The following FALEC variants were observed in gnomAD, a reference collection of about 807,000 sequenced individuals.
The protein encoded by FALEC is focally amplified lncRNA on chromosome 1.
At chr1:150,517,758 T>A (rs1670588983) in intron 1 of FALEC, 1 of 152,250 alleles carries the variant, frequency 6.6e-6, no homozygotes, top group Non-Finnish European at 1.5e-5. Context: ...CCACCCTGTC[T>A]ATGGTACTTC....
downstream of FALEC, among the ~76,000 whole-genome samples, chr1:150,518,602 A>G (rs1442895988): frequency 6.6e-6 from 1 of 151,490 alleles, no homozygotes; most frequent in Non-Finnish European, 1.5e-5. Context: ...CGTTCAGGCT[A>G]GTCCCGAACT....
At chr1:150,529,016 CAAA>C in the FALEC span, among the ~76,000 whole-genome samples, 46 of 59,284 alleles carry the variant, frequency 7.8e-4, no homozygotes, top group Middle Eastern at 0.015. Flanking sequence ...AAATAAATAG[CAAA>C]AAAAAAAAAA....
At chr1:150,525,016 G>A in the FALEC span, among the ~76,000 whole-genome samples, 16 of 139,162 alleles carry the variant, frequency 1.1e-4, no homozygotes. Context: ...AAAAAAAAAG[G>A]CCTGGTGCAG....
At chr1:150,527,824 T>C in the FALEC span, among the ~76,000 whole-genome samples, 5 of 152,068 alleles carry the variant, frequency 3.3e-5, no homozygotes, top group African/African-American at 1.2e-4. Context: ...CACTCCAACC[T>C]GGGCGACGTA....
At chr1:150,520,725 T>C (rs1670627556), downstream of FALEC, among the ~76,000 whole-genome samples, 1 of 151,840 alleles carries the variant, frequency 6.6e-6, no homozygotes, top group Non-Finnish European at 1.5e-5. Flanking sequence ...ACTTTTTAAA[T>C]ATGCATTCAT....
the FALEC span, among the ~76,000 whole-genome samples, chr1:150,526,447 C>T: frequency 6.6e-6 from 1 of 151,952 alleles, no homozygotes; most frequent in Non-Finnish European, 1.5e-5. Context: ...GATCCACCCA[C>T]CTCATCTTTC....
At chr1:150,534,181 A>T in the FALEC span, among the ~76,000 whole-genome samples, 1 of 152,124 alleles carries the variant, frequency 6.6e-6, no homozygotes, top group Non-Finnish European at 1.5e-5. Context: ...AACTCTGAGG[A>T]GCTGGTCCTG....
chr1:150,534,876 C>T, the FALEC span, among the ~76,000 whole-genome samples: 1 of 151,580 alleles, frequency 6.6e-6, no homozygotes, highest in Non-Finnish European at 1.5e-5. Flanking sequence ...CTCTAACTCT[C>T]TCCAGAATCT....
chr1:150,534,964 C>A, the FALEC span, among the ~76,000 whole-genome samples: 137 of 152,306 alleles, frequency 9.0e-4, no homozygotes, highest in Non-Finnish European at 1.7e-3. Flanking sequence ...AGCAATCAGC[C>A]AGCCCCTCCT....
chr1:150,524,885 C>A, the FALEC span, among the ~76,000 whole-genome samples: 11 of 151,482 alleles, frequency 7.3e-5, no homozygotes, highest in South Asian at 2.3e-3. Context: ...GTCCCAGCTA[C>A]TCAGGAGACT....
chr1:150,535,423 T>C, the FALEC span, among the ~76,000 whole-genome samples: 2 of 152,324 alleles, frequency 1.3e-5, no homozygotes, highest in East Asian at 1.9e-4. Flanking sequence ...TTTGTATTTT[T>C]AGTGGAGACA....
chr1:150,534,193 A>G, the FALEC span, among the ~76,000 whole-genome samples: 1 of 152,092 alleles, frequency 6.6e-6, no homozygotes, highest in Non-Finnish European at 1.5e-5. Context: ...CTGGTCCTGG[A>G]GAGGTGGGGT....
the FALEC span, among the ~76,000 whole-genome samples, chr1:150,527,484 C>T: frequency 7.2e-5 from 11 of 151,968 alleles, no homozygotes; most frequent in African/African-American, 2.7e-4. Context: ...GTCTTAAGCT[C>T]CTGACCTCAG....
chr1:150,516,441 G>A (rs1670570805), intron 1 of FALEC, among the ~76,000 whole-genome samples: 1 of 152,210 alleles, frequency 6.6e-6, no homozygotes, highest in South Asian at 2.1e-4. Flanking sequence ...GCACTTGTAA[G>A]CTACAGTGCT....
chr1:150,524,995 G>GAAA, the FALEC span, among the ~76,000 whole-genome samples: 21 of 98,314 alleles, frequency 2.1e-4, no homozygotes, highest in African/African-American at 8.3e-4. Flanking sequence ...ACCCTGTCTT[G>GAAA]AAAAAAAAAA....
At chr1:150,522,978 TA>T (rs1397830922), downstream of FALEC, among the ~76,000 whole-genome samples, 67 of 46,282 alleles carry the variant, frequency 1.4e-3, 2 homozygotes, top group South Asian at 2.2e-3. Context: ...TATATATATA[TA>T]TATATTTTTT....
At chr1:150,525,158 G>GC in the FALEC span, among the ~76,000 whole-genome samples, 3 of 152,006 alleles carry the variant, frequency 2.0e-5, no homozygotes, top group Admixed American at 6.6e-5. Context: ...ATGGTGGCAC[G>GC]CATCTGTAAT....
the FALEC span, among the ~76,000 whole-genome samples, chr1:150,526,700 C>G: frequency 6.6e-6 from 1 of 152,026 alleles, no homozygotes; most frequent in African/African-American, 2.4e-5. Flanking sequence ...GTGGCGCAAT[C>G]CCGGCTCACT....
At chr1:150,518,607 C>T (rs1204952138), downstream of FALEC, among the ~76,000 whole-genome samples, 3 of 151,554 alleles carry the variant, frequency 2.0e-5, no homozygotes, top group Non-Finnish European at 2.9e-5. Context: ...AGGCTAGTCC[C>T]GAACTCCTGA....
Sources: allele counts gnomAD v4.1 joint callset (sites outside exome capture counted in the v4.1 genomes callset), GRCh38; gene constraint gnomAD v4.1.1; transcripts MANE v1.5; gene names NCBI Gene and HGNC (gene_info 2026-07-23, HGNC 2026-07-21).